TJP2: variants seen among roughly 807,000 people sequenced by gnomAD.
TJP2 encodes the protein Friedreich ataxia region gene X104 (tight junction protein ZO-2).
In TJP2, 91 loss-of-function variants were observed where a neutral mutation model predicts 133.1. The ratio of observed to expected loss-of-function variants is 0.68; its 90% CI spans 0.58 to 0.81. TJP2 has a LOEUF of 0.81. Among genes scored for constraint, TJP2 ranks in the 40% least tolerant of loss-of-function variants. TJP2 has a pLI of 0.00. For synonymous variants in TJP2, 592 were observed against 583.4 expected (o/e 1.01, Z -0.21); for missense variants, 1,541 against 1,565.6 (o/e 0.98, Z 0.26).
chr9:69,221,328 G>T lies in TJP2; in HGVS notation c.784G>T (p.Glu262Ter). The T allele has an allele frequency of 6.3e-7, 1 of 1,598,718 alleles. No individual in the cohort carries two copies. Among genetic ancestry groups the T allele is most frequent in the Non-Finnish European group, 8.5e-7 (1 of 1,173,126 alleles). The change falls in exon 5 of 23, where the codon GAG becomes TAG. Residue 262 changes from glutamate to a stop codon, truncating the protein, a stop_gained. Transcript: ENST00000377245. LOFTEE classifies it high-confidence loss of function. The stretch of plus-strand genomic sequence containing the variant: ...TCACCGGGCCTACGACCCAGACTAC[G>T]AGCGGGCCTACAGCCCGGAGTACAG... Reference protein sequence around the residue: ...AYHRAYDPDYERAYSPEYRRG... With the variant: ...AYHRAYDPDY
At chr9:69,218,072 A>G (rs565462161) in intron 3 of TJP2, among the ~76,000 whole-genome samples, 185 bp from the exon 4 acceptor site, 2 of 152,320 alleles carry the variant, frequency 1.3e-5, no homozygotes, top group Admixed American at 6.5e-5. Context: ...ATTGAGCTGT[A>G]TGGCCCCCAG....
At chr9:69,157,201 A>G (rs755969848) in intron 2 of TJP2, among the ~76,000 whole-genome samples, 31 of 152,244 alleles carry the variant, frequency 2.0e-4, no homozygotes, top group Middle Eastern at 6.8e-3. Context: ...TAAAGATGCA[A>G]CTGTATAATG....
chr9:69,199,486 T>C (rs1435009738), intron 1 of TJP2, among the ~76,000 whole-genome samples: 5 of 152,098 alleles, frequency 3.3e-5, no homozygotes, highest in African/African-American at 1.2e-4. Context: ...GCCCTGATTG[T>C]GCCACTGCAC....
chr9:69,234,591 G>GGGGGGGGGGGC, intron 12 of TJP2, 44 bp downstream of exon 12: 1 of 572,876 alleles, frequency 1.7e-6, no homozygotes, highest in Non-Finnish European at 3.4e-6. Flanking sequence ...TGGGGGTGGG[G>GGGGGGGGGGGC]AGTGGGAAGG....
At chr9:69,176,532 A>G (rs888399747) in intron 1 of TJP2, among the ~76,000 whole-genome samples, 1 of 152,154 alleles carries the variant, frequency 6.6e-6, no homozygotes, top group South Asian at 2.1e-4. Flanking sequence ...TCCCTCATGT[A>G]TTAAATGACT....
chr9:69,174,015 C>T (rs561839422), upstream of TJP2: 1,471 of 1,019,082 alleles, frequency 1.4e-3, 5 homozygotes, highest in Non-Finnish European at 1.3e-3. Flanking sequence ...CTTCTCCTGC[C>T]GCCGCCGCCG....
chr9:69,230,340 A>G (rs887234145), intron 11 of TJP2, 108 bp downstream of exon 11: 56 of 1,438,396 alleles, frequency 3.9e-5, no homozygotes, highest in Non-Finnish European at 5.3e-5. Context: ...GAAATAGAGC[A>G]GCTGCAAGTT....
chr9:69,253,183 G>A (rs1279670023), intron 22 of TJP2: 5 of 474,140 alleles, frequency 1.1e-5, no homozygotes, highest in South Asian at 7.0e-5. Flanking sequence ...CATTGCACAT[G>A]GTTAGCACAT....
intron 1 of TJP2, among the ~76,000 whole-genome samples, chr9:69,141,941 A>T (rs1823036552): frequency 6.6e-6 from 1 of 152,238 alleles, no homozygotes; most frequent in African/African-American, 2.4e-5. Context: ...TAGCTGTACG[A>T]ATGATGGAAC....
chr9:69,173,740 T>C (rs184235639), upstream of TJP2, among the ~76,000 whole-genome samples: 109 of 152,316 alleles, frequency 7.2e-4, no homozygotes, highest in African/African-American at 2.4e-3. Flanking sequence ...GTAGGAGAAC[T>C]GAAGCTGCCT....
At chr9:69,169,710 C>A (rs995295310), upstream of TJP2, among the ~76,000 whole-genome samples, 3 of 151,990 alleles carry the variant, frequency 2.0e-5, no homozygotes, top group Admixed American at 1.3e-4. Flanking sequence ...GTTGATGATA[C>A]TTTATAACCA....
upstream of TJP2, chr9:69,174,250 G>T (rs373951893): frequency 1.3e-4 from 199 of 1,517,962 alleles, 4 homozygotes; most frequent in South Asian, 2.2e-3. Context: ...CCCGCGGGTC[G>T]GCACCCCGGC....
chr9:69,221,104 G>C lies in TJP2; in HGVS notation c.560G>C (p.Arg187Pro). 3.2e-6 allele frequency: 5 copies of C among 1,583,906 alleles called. No homozygotes were observed. The highest frequency in any genetic ancestry group is 4.3e-6 in the Non-Finnish European group (5 of 1,165,572). ...RGRPHERARS[R>P]ERDLSRDRSR... ...CGTCCCCATGAGCGGGCCCGGAGCC[G>C]GGAGCGGGACCTCAGCCGGGACCGG... The change falls in exon 5 of 23, where the codon CGG becomes CCG. Residue 187 changes from arginine (R) to proline (P), a missense_variant. Arg to Pro is a moderately radical substitution (Grantham distance 103, BLOSUM62 -2). Transcript: ENST00000377245.
chr9:69,128,836 T>C (rs1339895467), intron 1 of TJP2, among the ~76,000 whole-genome samples: 2 of 152,218 alleles, frequency 1.3e-5, no homozygotes, highest in African/African-American at 2.4e-5. Context: ...ATTAGATTAT[T>C]ATTCCTGGAC....
chr9:69,202,748 C>CAGAGGCGGA (rs1221438739), intron 1 of TJP2, among the ~76,000 whole-genome samples: 3 of 151,788 alleles, frequency 2.0e-5, no homozygotes, highest in African/African-American at 4.8e-5. Flanking sequence ...GCCCAGGCGG[C>CAGAGGCGGA]AGAGGCGGAA....
intron 2 of TJP2, among the ~76,000 whole-genome samples, chr9:69,169,190 CTG>C: frequency 6.6e-6 from 1 of 152,216 alleles, no homozygotes; most frequent in Non-Finnish European, 1.5e-5. Flanking sequence ...CTTCAACACA[CTG>C]TGAGCAGGCT....
At chr9:69,175,521 A>G (rs1339971384) in intron 1 of TJP2, among the ~76,000 whole-genome samples, 1 of 152,228 alleles carries the variant, frequency 6.6e-6, no homozygotes, top group African/African-American at 2.4e-5. Flanking sequence ...GTAGTGGTAA[A>G]TGTATTTGTA....
intron 1 of TJP2, among the ~76,000 whole-genome samples, chr9:69,128,016 A>G (rs150393473): frequency 0.014 from 1,019 of 74,522 alleles, 418 homozygotes; most frequent in Middle Eastern, 0.091. Flanking sequence ...GGTCTCAAGC[A>G]GTCCTCCTGT....
At chr9:69,188,329 A>G (rs1825990092) in intron 1 of TJP2, among the ~76,000 whole-genome samples, 1 of 151,886 alleles carries the variant, frequency 6.6e-6, no homozygotes, top group South Asian at 2.1e-4. Flanking sequence ...TGTTAACCCT[A>G]TTTTATAGGT....
Sources: gnomAD v4.1 joint callset for allele counts (sites outside exome capture counted in the v4.1 genomes callset) on GRCh38, gnomAD v4.1.1 for gene constraint, MANE v1.5 for transcripts, NCBI Gene and HGNC (gene_info 2026-07-23, HGNC 2026-07-21) for gene names.